CRYZL1: variants seen among roughly 807,000 people sequenced by gnomAD.
CRYZL1 encodes the protein crystallin zeta like 1.
In CRYZL1, 34 loss-of-function variants were observed where a neutral mutation model predicts 50.6. The ratio of observed to expected loss-of-function variants is 0.67; its 90% CI spans 0.51 to 0.89. The LOEUF is 0.89. Ranked by LOEUF, CRYZL1 falls within the 40% of genes least tolerant of loss-of-function variation. The pLI is 0.00. For synonymous variants in CRYZL1, 125 were observed against 134.3 expected (o/e 0.93, Z 0.48); for missense variants, 354 against 402.3 (o/e 0.88, Z 1.03).
intron 3 of CRYZL1, among the ~76,000 whole-genome samples, chr21:33,623,029 G>C (rs1055263794): frequency 4.8e-5 from 7 of 147,320 alleles, no homozygotes; most frequent in Non-Finnish European, 9.0e-5. Flanking sequence ...GCAGTGGTGT[G>C]ATCTCGGCTC....
chr21:33,617,813 G>A (rs1400841339), intron 4 of CRYZL1, among the ~76,000 whole-genome samples: 3 of 152,156 alleles, frequency 2.0e-5, no homozygotes, highest in African/African-American at 4.8e-5. Context: ...GGCCCAGGGC[G>A]TGGCGCTGGG....
At chr21:33,595,884 G>T in intron 10 of CRYZL1, 48 bp from the exon 11 acceptor site, 1 of 1,251,414 alleles carries the variant, frequency 8.0e-7, no homozygotes, top group Non-Finnish European at 1.2e-6. Flanking sequence ...GAGTTTAACA[G>T]CAGGATGACT....
intron 6 of CRYZL1, among the ~76,000 whole-genome samples, chr21:33,605,200 C>A (rs1341762042): frequency 1.3e-5 from 2 of 151,984 alleles, no homozygotes; most frequent in Non-Finnish European, 2.9e-5. Context: ...TACAGGAATT[C>A]TTTATATATT....
chr21:33,594,230 T>C (rs1484203696), intron 11 of CRYZL1, among the ~76,000 whole-genome samples: 1 of 151,098 alleles, frequency 6.6e-6, no homozygotes, highest in African/African-American at 2.4e-5. Flanking sequence ...CTCAGCTCAC[T>C]GCAACCTTCA....
intron 8 of CRYZL1, among the ~76,000 whole-genome samples, chr21:33,600,035 C>G (rs1467312809): frequency 6.6e-6 from 1 of 152,050 alleles, no homozygotes; most frequent in East Asian, 1.9e-4. Flanking sequence ...TGGGCTACAT[C>G]CCAATATACC....
chr21:33,632,320 G>A (rs543173119), intron 1 of CRYZL1, among the ~76,000 whole-genome samples: 3 of 151,976 alleles, frequency 2.0e-5, no homozygotes, highest in African/African-American at 4.8e-5. Flanking sequence ...GAACAAGAGC[G>A]AAACTCTGTC....
intron 4 of CRYZL1, among the ~76,000 whole-genome samples, chr21:33,620,998 G>A (rs55747149): frequency 0.49 from 60,071 of 123,590 alleles, 15,521 homozygotes; most frequent in African/African-American, 0.69. Context: ...TCCGCCCCCT[G>A]GGGTTCACGC....
At chr21:33,605,746 A>G (rs2086806483) in intron 6 of CRYZL1, among the ~76,000 whole-genome samples, 1 of 150,776 alleles carries the variant, frequency 6.6e-6, no homozygotes, top group South Asian at 2.1e-4. Flanking sequence ...CTGGTCTCGA[A>G]CTCCTGACCT....
At chr21:33,601,977 T>G in intron 8 of CRYZL1, among the ~76,000 whole-genome samples, 1 of 151,220 alleles carries the variant, frequency 6.6e-6, no homozygotes, top group Non-Finnish European at 1.5e-5. Context: ...AAACTGACTT[T>G]CATTTGGGAT....
At chr21:33,627,947 G>A (rs1355960115) in intron 2 of CRYZL1, among the ~76,000 whole-genome samples, 5 of 151,834 alleles carry the variant, frequency 3.3e-5, no homozygotes, top group East Asian at 3.9e-4. Flanking sequence ...GGGTTTCACC[G>A]TGTTAGCCAG....
At chr21:33,617,470 C>A (rs572796991) in intron 4 of CRYZL1, among the ~76,000 whole-genome samples, 36 of 152,280 alleles carry the variant, frequency 2.4e-4, no homozygotes, top group African/African-American at 8.4e-4. Flanking sequence ...TCTGAGAATG[C>A]AGCAGGACAA....
intron 4 of CRYZL1, among the ~76,000 whole-genome samples, chr21:33,618,027 C>T (rs1032916650): frequency 3.3e-5 from 5 of 151,984 alleles, no homozygotes; most frequent in African/African-American, 9.7e-5. Flanking sequence ...CGGTGGCTCA[C>T]GCCTGTAATC....
intron 5 of CRYZL1, 189 bp downstream of exon 5, chr21:33,616,517 C>T (rs773974528): frequency 1.7e-6 from 2 of 1,159,944 alleles, no homozygotes; most frequent in Admixed American, 4.9e-5. Flanking sequence ...GTCTCGAACT[C>T]CCGACCTCAG....
In CRYZL1 at chr21:33,595,903, G is replaced by A. The variant is rs1247815157; in HGVS notation, c.799-67C>T. 5.7e-6 allele frequency: 6 copies of A among 1,057,946 alleles called. No homozygotes were observed. In the African/African-American group the frequency reaches 6.3e-5, roughly 11 times the overall value. The allele number at this position is 1,057,946 out of a possible 1,614,324, so 65.5% of individuals were successfully genotyped here. On this transcript the variant is annotated intron_variant, in intron 10 of 12. Transcript: ENST00000381554. The stretch of plus-strand genomic sequence containing the variant: ...TTAACAGCAGGATGACTGGTATCTC[G>A]AGTCAGAAAAACTTCTACACAAATT...
chr21:33,632,498 C>G (rs1396811592), intron 1 of CRYZL1, among the ~76,000 whole-genome samples: 1 of 151,838 alleles, frequency 6.6e-6, no homozygotes, highest in African/African-American at 2.4e-5. Flanking sequence ...CTGCCTCAGC[C>G]CCCCTAGTAG....
rs141103861 is a variant in CRYZL1, at chr21:33,597,351, G to C, written c.727C>G (p.Pro243Ala). ...DEPAVKLQLL[P>A]HKHDIITLLG... ...AGTGTGATGATATCATGTTTATGTG[G>C]TAGTAGTTGTAGTTTTACAGCTGGT... Residue 243 changes from proline to alanine, a missense_variant, in exon 10 of 13, where the codon CCA becomes GCA. Pro to Ala is a conservative substitution (Grantham distance 27). Transcript: ENST00000381554. The C allele has an allele frequency of 5.0e-6, 8 of 1,604,988 alleles. No individual in the cohort carries two copies. The highest frequency in any genetic ancestry group is 3.3e-5 in the South Asian group (3 of 90,882).
rs963625715 is a variant in CRYZL1, at chr21:33,609,804, G to A, written c.331+3734C>T. 2.6e-5 allele frequency among the ~76,000 whole-genome samples: 4 copies of A among 151,324 alleles called. 1 individual carries two copies. Among genetic ancestry groups the A allele is most frequent in the South Asian group, 2.1e-4 (1 of 4,790 alleles). ...TGCAAGCTCCACCTCCCAGGTTCAC[G>A]CCATTCTCCTGCCTCAGCCTCCTGA... is the stretch of plus-strand genomic sequence containing the variant. On this transcript the variant is annotated intron_variant, in intron 6 of 12. Transcript: ENST00000381554.
intron 1 of CRYZL1, among the ~76,000 whole-genome samples, chr21:33,637,786 T>TAC (rs1226876412): frequency 1.5e-3 from 209 of 141,314 alleles, no homozygotes; most frequent in African/African-American, 5.2e-3. Flanking sequence ...TATATATATA[T>TAC]ATACACACAC....
At chr21:33,628,929 C>T (rs1164600247) in intron 2 of CRYZL1, among the ~76,000 whole-genome samples, 5 of 151,916 alleles carry the variant, frequency 3.3e-5, no homozygotes, top group African/African-American at 1.2e-4. Flanking sequence ...TTTGCTGTCG[C>T]TACAGAGAAC....
Sources: allele counts gnomAD v4.1 joint callset (sites outside exome capture counted in the v4.1 genomes callset), GRCh38; gene constraint gnomAD v4.1.1; transcripts MANE v1.5; gene names NCBI Gene and HGNC (gene_info 2026-07-23, HGNC 2026-07-21).